The following SNX29 variants were observed in gnomAD, a reference collection of about 807,000 sequenced individuals.
SNX29 encodes the protein sorting nexin-29.
SNX29 carries 78 observed loss-of-function variants against 102.1 expected under a neutral mutation model. The observed-to-expected ratio is 0.76, with a 90% CI of 0.64 to 0.92. SNX29 has a LOEUF of 0.92. Among genes scored for constraint, SNX29 ranks in the 40% least tolerant of loss-of-function variants. The probability of loss-of-function intolerance (pLI) is 0.00; values close to 1 mark genes in which losing one functional copy is unlikely to be tolerated. For synonymous variants in SNX29, 580 were observed against 414.5 expected, an observed-to-expected ratio of 1.40 and a Z score of -4.85; for missense variants, 1,280 against 1,061.7, an observed-to-expected ratio of 1.21 and a Z score of -2.86.
chr16:12,252,161 C>T (rs1428169251), intron 14 of SNX29, among the ~76,000 whole-genome samples: 6 of 152,246 alleles, frequency 3.9e-5, no homozygotes, highest in Non-Finnish European at 7.3e-5. Flanking sequence ...CCCAAATCCA[C>T]AAGGGTTTCT....
chr16:12,499,886 A>G (rs1406770261), intron 19 of SNX29, among the ~76,000 whole-genome samples: 1 of 152,162 alleles, frequency 6.6e-6, no homozygotes, highest in Non-Finnish European at 1.5e-5. Context: ...TATGTTGCCC[A>G]GGCTGGTCTC....
At chr16:12,196,615 CTTTTTTCTTTTT>C (rs1193008738) in intron 13 of SNX29, among the ~76,000 whole-genome samples, 7 of 116,384 alleles carry the variant, frequency 6.0e-5, no homozygotes, top group African/African-American at 1.9e-4. Flanking sequence ...TTTCTTTTTT[CTTTTTTCTTTTT>C]TTTTTTTTTT....
chr16:12,537,960 G>C (rs992708686), intron 20 of SNX29, among the ~76,000 whole-genome samples: 4 of 144,854 alleles, frequency 2.8e-5, no homozygotes, highest in Non-Finnish European at 4.5e-5. Flanking sequence ...ACTCCAGCCT[G>C]GGCAATAGAG....
intron 20 of SNX29, among the ~76,000 whole-genome samples, chr16:12,553,151 T>TC (rs1178083132): frequency 6.6e-6 from 1 of 152,156 alleles, no homozygotes; most frequent in East Asian, 1.9e-4. Context: ...AGCTCTGGGG[T>TC]CCTTCCTGGG....
chr16:12,092,302 G>GAAGGAAGGAACA (rs989071581), intron 11 of SNX29, among the ~76,000 whole-genome samples: 30 of 152,292 alleles, frequency 2.0e-4, no homozygotes, highest in Middle Eastern at 3.4e-3. Flanking sequence ...AGGAAGGAAG[G>GAAGGAAGGAACA]AAGGAACAAA....
chr16:12,500,104 A>G (rs3865111), intron 19 of SNX29, among the ~76,000 whole-genome samples: 22,807 of 152,108 alleles, frequency 0.15, 1,823 homozygotes, highest in East Asian at 0.25. Context: ...GGATCCTCCT[A>G]CCTCAGCCTC....
At chr16:12,278,390 A>G (rs1195126615) in intron 15 of SNX29, among the ~76,000 whole-genome samples, 2 of 152,272 alleles carry the variant, frequency 1.3e-5, no homozygotes, top group African/African-American at 2.4e-5. Flanking sequence ...GAGGTGAACT[A>G]TTTTTCAGAA....
intron 11 of SNX29, among the ~76,000 whole-genome samples, chr16:12,118,473 C>G (rs181468356): frequency 6.6e-6 from 1 of 151,888 alleles, no homozygotes. Context: ...GTGCCTGCCA[C>G]CATGCCCGGC....
At chr16:12,422,100 T>C (rs894166858) in intron 18 of SNX29, among the ~76,000 whole-genome samples, 2 of 152,206 alleles carry the variant, frequency 1.3e-5, no homozygotes, top group African/African-American at 4.8e-5. Context: ...ATCTTCTCTC[T>C]CCTTTCTTAG....
rs112249337 is a variant in SNX29 at position 12,546,274 on chromosome 16, C to T, written c.2318+21433C>T. 91 of 152,330 alleles carry T rather than the reference C, an allele frequency of 6.0e-4. 1 individual carries two copies. Among genetic ancestry groups the T allele is most frequent in the African/African-American group, 2.0e-3 (84 of 41,558 alleles). The allele number at this position is 152,330 out of a possible 1,614,324, so 9.4% of individuals were successfully genotyped here. On this transcript the variant is annotated intron_variant, in intron 20 of 20. Coordinates refer to ENST00000566228, the MANE Select transcript of SNX29 (RefSeq NM_032167.5). The stretch of plus-strand genomic sequence containing the variant: ...GACCCTTCGTACAACTGTATTAGTC[C>T]GTTTTCACAGTGCTGATAAAGACAT...
rs1555544501 is a variant in SNX29 at position 12,461,978 on chromosome 16, A to AAATAT, written c.2038-15740_2038-15739insATATA. Among the ~76,000 whole-genome samples the AAATAT allele has an allele frequency of 2.9e-4, 8 of 27,352 alleles. 1 individual carries two copies. Among genetic ancestry groups the AAATAT allele is most frequent in the African/African-American group, 5.5e-4 (4 of 7,288 alleles). 17.9% of individuals were successfully genotyped at this position (27,352 alleles called of 152,430 possible). A position where few individuals can be genotyped will look rare whatever the true frequency, so the allele number is the denominator to read the frequency against. ...CTCAAAAAAAAAAAAAAAAAAAAAA[A>AAATAT]ATATATATATATATATATATATATA... On this transcript the variant is annotated intron_variant, in intron 18 of 20. Coordinates refer to ENST00000566228, the MANE Select transcript of SNX29 (RefSeq NM_032167.5).
intron 15 of SNX29, among the ~76,000 whole-genome samples, chr16:12,301,386 G>C (rs1409331189): frequency 6.6e-6 from 1 of 152,084 alleles, no homozygotes; most frequent in Non-Finnish European, 1.5e-5. Flanking sequence ...CCCTAGGAAG[G>C]GCCAGGGTTA....
chr16:11,979,275 C>CAAAAAAAAAAA (rs71139569), intron 1 of SNX29, among the ~76,000 whole-genome samples: 2 of 61,996 alleles, frequency 3.2e-5, no homozygotes, highest in Non-Finnish European at 5.5e-5. Flanking sequence ...ACTCAGTCTC[C>CAAAAAAAAAAA]AAAAAAAAAA....
intron 11 of SNX29, among the ~76,000 whole-genome samples, chr16:12,124,226 G>A (rs3851013): frequency 0.15 from 22,897 of 151,990 alleles, 1,956 homozygotes; most frequent in Middle Eastern, 0.24. Context: ...CGTGGTGGCA[G>A]GCGCCTGTAA....
intron 16 of SNX29, among the ~76,000 whole-genome samples, chr16:12,371,331 C>T (rs1399943239): frequency 2.0e-5 from 3 of 151,956 alleles, no homozygotes; most frequent in Non-Finnish European, 4.4e-5. Context: ...CAGGGTCTTT[C>T]TCTGTCCCTC....
At chr16:12,515,755 G>T (rs1049556915) in intron 19 of SNX29, among the ~76,000 whole-genome samples, 1 of 152,050 alleles carries the variant, frequency 6.6e-6, no homozygotes, top group Non-Finnish European at 1.5e-5. Flanking sequence ...TTGCCAATAC[G>T]TTCCTTCAAG....
chr16:12,449,237 AGAG>A (rs928847333), intron 18 of SNX29, among the ~76,000 whole-genome samples: 8 of 151,954 alleles, frequency 5.3e-5, no homozygotes, highest in African/African-American at 1.9e-4. Flanking sequence ...AGAATTGAGG[AGAG>A]GAGAAGAGAC....
At chr16:12,449,027 T>G (rs890134753) in intron 18 of SNX29, among the ~76,000 whole-genome samples, 2 of 152,116 alleles carry the variant, frequency 1.3e-5, no homozygotes, top group Non-Finnish European at 2.9e-5. Context: ...AGTTTCAACG[T>G]ACATGTACTA....
At chr16:12,147,685 C>G (rs557354658) in intron 13 of SNX29, among the ~76,000 whole-genome samples, 1 of 152,144 alleles carries the variant, frequency 6.6e-6, no homozygotes, top group Non-Finnish European at 1.5e-5. Flanking sequence ...CTTGACTTTC[C>G]CTCTTTGCCT....
Sources: gnomAD v4.1 joint callset for allele counts (sites outside exome capture counted in the v4.1 genomes callset) on GRCh38, gnomAD v4.1.1 for gene constraint, MANE v1.5 for transcripts, NCBI Gene and HGNC (gene_info 2026-07-23, HGNC 2026-07-21) for gene names.